Variants in DPP10 observed in about 807,000 individuals in gnomAD.
The protein encoded by DPP10 is dipeptidyl peptidase like 10, also known as inactive dipeptidyl peptidase 10.
In DPP10, 33 loss-of-function variants were observed where a neutral mutation model predicts 120.9. The observed-to-expected ratio is 0.27, with a 90% CI of 0.21 to 0.37. The LOEUF (loss-of-function observed/expected upper bound fraction) is 0.37, where lower values mean the gene tolerates loss of function less well. Ranked by LOEUF, DPP10 falls within the 10% of genes least tolerant of loss-of-function variation. The probability of loss-of-function intolerance (pLI) is 1.00; values close to 1 mark genes in which losing one functional copy is unlikely to be tolerated. For synonymous variants in DPP10, 337 were observed against 326.1 expected (o/e 1.03, Z -0.36); for missense variants, 816 against 942.8 (o/e 0.87, Z 1.76).
At chr2:114,796,404 AT>A (rs1683717729) in intron 1 of DPP10, among the ~76,000 whole-genome samples, 1 of 151,782 alleles carries the variant, frequency 6.6e-6, no homozygotes, top group South Asian at 2.1e-4. Context: ...CTGTAAGTCT[AT>A]TTTTTCTTCC....
At chr2:115,133,460 T>A (rs1458936223) in intron 1 of DPP10, among the ~76,000 whole-genome samples, 1 of 151,996 alleles carries the variant, frequency 6.6e-6, no homozygotes, top group Admixed American at 6.6e-5. Context: ...TCATTTAATG[T>A]TTATAACAAC....
intron 5 of DPP10, among the ~76,000 whole-genome samples, chr2:115,560,319 C>T (rs1301157782): frequency 1.6e-5 from 2 of 122,394 alleles, no homozygotes; most frequent in African/African-American, 3.2e-5. Context: ...TGCAGTGAGC[C>T]GAGGTGGTGC....
intron 1 of DPP10, among the ~76,000 whole-genome samples, chr2:115,037,450 A>C (rs1704303059): frequency 6.6e-6 from 1 of 152,222 alleles, no homozygotes; most frequent in South Asian, 2.1e-4. Flanking sequence ...CAAAACAAAC[A>C]TACATTTTGC....
chr2:115,094,782 G>C (rs1048809063), intron 1 of DPP10, among the ~76,000 whole-genome samples: 1 of 152,152 alleles, frequency 6.6e-6, no homozygotes, highest in African/African-American at 2.4e-5. Flanking sequence ...AAGCATACCA[G>C]AGTTCTGCAA....
rs1480149146 is a variant in DPP10 at position 115,836,537 on chromosome 2, T to C, written c.2081T>C (p.Met694Thr). 1 of 1,613,792 alleles carries C rather than the reference T, an allele frequency of 6.2e-7. No individual in the cohort carries two copies. The highest frequency in any genetic ancestry group is 1.3e-5 in the African/African-American group (1 of 75,048). Residue 694 changes from methionine to threonine, a missense_variant, in exon 23 of 26, where the codon ATG becomes ACG. This residue lies in a region of DPP10 where 592 missense variants were observed against 649.0 expected (regional missense o/e 0.91). Coordinates refer to ENST00000410059, the MANE Select transcript of DPP10 (RefSeq NM_020868.6). ...ASAFSERYLG[M>T]PSKEESTYQA... ...GCTTTCTCTGAAAGATACCTTGGGA[T>C]GCCATCTAAGGAAGAAAGCACTTAC... is the stretch of plus-strand genomic sequence containing the variant.
chr2:115,286,489 A>G (rs1315254557), intron 1 of DPP10, among the ~76,000 whole-genome samples: 2 of 38,988 alleles, frequency 5.1e-5, no homozygotes, highest in Non-Finnish European at 6.1e-5. Flanking sequence ...TAATATATAT[A>G]TAATATATAT....
chr2:115,619,132 T>TA (rs2084752781), intron 5 of DPP10, among the ~76,000 whole-genome samples: 1 of 146,404 alleles, frequency 6.8e-6, no homozygotes, highest in Non-Finnish European at 1.5e-5. Flanking sequence ...TTTTTTTTTT[T>TA]AAGACAGTCT....
chr2:115,831,233 C>A (rs1360346975), intron 21 of DPP10, among the ~76,000 whole-genome samples: 1 of 135,554 alleles, frequency 7.4e-6, no homozygotes, highest in Non-Finnish European at 1.6e-5. Context: ...TCGCACAGAT[C>A]ACTTCTTTCT....
At chr2:115,694,077 C>A (rs927728197) in intron 7 of DPP10, among the ~76,000 whole-genome samples, 1 of 152,044 alleles carries the variant, frequency 6.6e-6, no homozygotes, top group African/African-American at 2.4e-5. Context: ...TTGGGGAATT[C>A]TTAAGAGAAA....
At chr2:115,316,456 G>A (rs1213578141) in intron 2 of DPP10, among the ~76,000 whole-genome samples, 1 of 152,038 alleles carries the variant, frequency 6.6e-6, no homozygotes, top group Admixed American at 6.6e-5. Context: ...TTTCTAAAAG[G>A]GAAGGCATAG....
chr2:114,863,763 C>A (rs1320812451), intron 1 of DPP10, among the ~76,000 whole-genome samples: 1 of 152,186 alleles, frequency 6.6e-6, no homozygotes, highest in Non-Finnish European at 1.5e-5. Context: ...TATTTGTTTA[C>A]AATTAAAAGA....
intron 21 of DPP10, among the ~76,000 whole-genome samples, chr2:115,816,741 T>A (rs1187350822): frequency 6.7e-6 from 1 of 150,008 alleles, no homozygotes; most frequent in Non-Finnish European, 1.5e-5. Context: ...ATCAGCCTCC[T>A]GAGTAGCTGG....
chr2:114,874,162 C>G (rs566378335), intron 1 of DPP10, among the ~76,000 whole-genome samples: 6 of 152,116 alleles, frequency 3.9e-5, no homozygotes, highest in Non-Finnish European at 8.8e-5. Context: ...CCTAATTCAG[C>G]TTACAAAAGA....
chr2:115,804,254 G>C (rs1685635107), intron 19 of DPP10, among the ~76,000 whole-genome samples: 1 of 152,168 alleles, frequency 6.6e-6, no homozygotes, highest in South Asian at 2.1e-4. Flanking sequence ...TCGTCACGTA[G>C]TTCTCGTGCC....
At chr2:115,115,559 CAA>C (rs995867970) in intron 1 of DPP10, among the ~76,000 whole-genome samples, 2 of 152,158 alleles carry the variant, frequency 1.3e-5, no homozygotes, top group African/African-American at 4.8e-5. Flanking sequence ...CCTTATCTCA[CAA>C]AGTCATTAAT....
chr2:115,331,538 A>C (rs979679233), intron 2 of DPP10, among the ~76,000 whole-genome samples: 5 of 152,196 alleles, frequency 3.3e-5, no homozygotes, highest in Non-Finnish European at 5.9e-5. Context: ...TTGCCCATTC[A>C]GTATGATATT....
intron 5 of DPP10, among the ~76,000 whole-genome samples, chr2:115,577,154 T>G (rs1372566951): frequency 6.6e-6 from 1 of 152,194 alleles, no homozygotes; most frequent in Admixed American, 6.5e-5. Flanking sequence ...TATGAGAAAT[T>G]GTCCCTGAAA....
chr2:115,791,008 T>G, intron 17 of DPP10, 73 bp from the exon 18 acceptor site: 1 of 1,070,708 alleles, frequency 9.3e-7, no homozygotes, highest in Non-Finnish European at 1.4e-6. Flanking sequence ...AGTGGATAAT[T>G]TTTTGTTGTG....
At chr2:114,642,959 G>A (rs1183344705) in intron 1 of DPP10, among the ~76,000 whole-genome samples, 2 of 151,796 alleles carry the variant, frequency 1.3e-5, no homozygotes, top group Admixed American at 6.6e-5. Context: ...TTGGTCACTG[G>A]GACACCCACA....
Sources: gnomAD v4.1 joint callset for allele counts (sites outside exome capture counted in the v4.1 genomes callset) on GRCh38, gnomAD v4.1.1 for gene constraint, gnomAD v4.1.1 regional missense constraint, MANE v1.5 for transcripts, NCBI Gene and HGNC (gene_info 2026-07-23, HGNC 2026-07-21) for gene names.